The following GDF6 variants were observed in gnomAD, a reference collection of about 807,000 sequenced individuals.
GDF6 encodes growth/differentiation factor 6.
Under a neutral mutation model 32.4 loss-of-function variants are expected in GDF6, and 3 were observed. The observed-to-expected ratio is 0.09, with a 90% confidence interval of 0.04 to 0.24. The LOEUF is 0.24. Ranked by LOEUF, GDF6 falls within the 10% of genes least tolerant of loss-of-function variation. The pLI is 1.00. For synonymous variants in GDF6, 296 were observed against 295.3 expected (o/e 1.00, Z -0.03); for missense variants, 589 against 637.9 (o/e 0.92, Z 0.83).
rs1812428426 is a variant in GDF6, at chr8:96,144,292, A to AGAGAG, written c.*270_*271insCTCTC. The AGAGAG allele has an allele frequency of 3.4e-5, 11 of 321,520 alleles. No individual in the cohort carries two copies. The highest frequency in any genetic ancestry group is 2.3e-4 in the African/African-American group (4 of 17,500). The allele number at this position is 321,520 out of a possible 1,614,324, so 19.9% of individuals were successfully genotyped here. A position where few individuals can be genotyped will look rare whatever the true frequency, so the allele number is the denominator to read the frequency against. On this transcript the variant is annotated 3_prime_UTR_variant, in exon 2 of 2. Transcript: ENST00000287020. The surrounding 1 kb of genome is among the most constrained non-coding windows in gnomAD (Gnocchi z 5.1). ...AGAGAGAGAGAGAGAGAGAGAGAGA[A>AGAGAG]AACAGAACAAAAGAAATCCTCCTTG...
At chr8:96,147,634 G>A (rs2130213086) in intron 1 of GDF6, among the ~76,000 whole-genome samples, 1 of 152,306 alleles carries the variant, frequency 6.6e-6, no homozygotes, top group Non-Finnish European at 1.5e-5. Context: ...AGAAATTAAG[G>A]TATTGCCAAA....
rs1370445465 is a variant in GDF6 at position 96,144,289 on chromosome 8, A to AGAGAGC, written c.*273_*274insGCTCTC. On this transcript the variant is annotated 3_prime_UTR_variant, in exon 2 of 2. Coordinates refer to ENST00000287020, the MANE Select transcript of GDF6 (RefSeq NM_001001557.4). This position sits in a 1 kb window ranked among gnomAD's most constrained non-coding sequence, Gnocchi z 5.1. Reference sequence around the variant, plus strand: ...GAGAGAGAGAGAGAGAGAGAGAGAGAGAAAACAGAACAAAAGAAATCCTCC... The same window carrying AGAGAGC: ...GAGAGAGAGAGAGAGAGAGAGAGAGAGAGAGCGAAAACAGAACAAAAGAAATCCTCC... 6.0e-6 allele frequency: 3 copies of AGAGAGC among 495,886 alleles called. No homozygotes were observed. The highest frequency in any genetic ancestry group is 2.4e-5 in the African/African-American group (1 of 42,064). The allele number at this position is 495,886 out of a possible 1,614,324, so 30.7% of individuals were successfully genotyped here. A position where few individuals can be genotyped will look rare whatever the true frequency, so the allele number is the denominator to read the frequency against.
chr8:96,144,297 G>T lies in GDF6; in HGVS notation c.*266C>A. ...GAGAGAGAGAGAGAGAGAGAAAACA[G>T]AACAAAAGAAATCCTCCTTGGCTTG... On this transcript the variant is annotated 3_prime_UTR_variant, in exon 2 of 2. Coordinates refer to ENST00000287020, the MANE Select transcript of GDF6 (RefSeq NM_001001557.4). This position sits in a 1 kb window ranked among gnomAD's most constrained non-coding sequence, Gnocchi z 5.1. 2 of 307,920 alleles carry T rather than the reference G, an allele frequency of 6.5e-6. No individual in the cohort carries two copies. Among genetic ancestry groups the T allele is most frequent in the African/African-American group, 3.6e-5 (1 of 27,872 alleles). 19.1% of individuals were successfully genotyped at this position (307,920 alleles called of 1,614,324 possible). A position where few individuals can be genotyped will look rare whatever the true frequency, so the allele number is the denominator to read the frequency against.
rs1261739476 is a variant in GDF6 at position 96,145,094 on chromosome 8, C to G, written c.837G>C (p.Val279=). 1 of 1,522,320 alleles carries G rather than the reference C, an allele frequency of 6.6e-7. No homozygotes were observed. Among genetic ancestry groups the G allele is most frequent in the Admixed American group, 2.0e-5 (1 of 50,994 alleles). The allele number at this position is 1,522,320 out of a possible 1,614,324, so 94.3% of individuals were successfully genotyped here. A position where few individuals can be genotyped will look rare whatever the true frequency, so the allele number is the denominator to read the frequency against. ...TCTTGCGCTGGGATCTGGTGAATAC[C>G]ACCAGCAGGGCCCGCTCCTGGGGAG... ...VRPPQERALL[V]VFTRSQRKNL... Residue 279 remains valine (V), a synonymous_variant, in exon 2 of 2, where the codon GTG becomes GTC. Transcript: ENST00000287020. The surrounding 1 kb of genome is among the most constrained non-coding windows in gnomAD (Gnocchi z 5.6).
chr8:96,151,390 C>T (rs1171691727), intron 1 of GDF6, among the ~76,000 whole-genome samples: 1 of 152,204 alleles, frequency 6.6e-6, no homozygotes, highest in East Asian at 1.9e-4. Context: ...AGACAGCCAT[C>T]ATTCTAAACT....
intron 1 of GDF6, among the ~76,000 whole-genome samples, chr8:96,146,773 C>G (rs1320762336): frequency 6.6e-6 from 1 of 152,134 alleles, no homozygotes; most frequent in Non-Finnish European, 1.5e-5. Flanking sequence ...CTAAAATTCT[C>G]TCACTTTGCA....
chr8:96,150,538 A>G (rs1399759344), intron 1 of GDF6, among the ~76,000 whole-genome samples: 1 of 152,236 alleles, frequency 6.6e-6, no homozygotes, highest in Non-Finnish European at 1.5e-5. Flanking sequence ...GAATTTTCAC[A>G]GCGAACGTCT....
At chr8:96,158,699 G>A (rs1812711955) in intron 1 of GDF6, among the ~76,000 whole-genome samples, 1 of 152,208 alleles carries the variant, frequency 6.6e-6, no homozygotes, top group South Asian at 2.1e-4. Flanking sequence ...AGGACTTTGA[G>A]GGACAGAAAC....
Position 96,145,074 on chromosome 8 carries a change from C to G in GDF6, c.857G>C (p.Arg286Pro), listed in dbSNP as rs764553577. The change falls in exon 2 of 2, where the codon CGC (arginine) becomes CCC (proline). Residue 286 changes from arginine to proline, a missense_variant. This residue lies in a region of GDF6 where 436 missense variants were observed against 411.2 expected (regional missense o/e 1.06). Transcript: ENST00000287020. The surrounding 1 kb of genome is among the most constrained non-coding windows in gnomAD (Gnocchi z 5.6). ...ALLVVFTRSQRKNLFAEMREQ... is the reference protein window; with the variant it reads ...ALLVVFTRSQPKNLFAEMREQ... ...GCGCATCTCTGCGAACAGGTTCTTGCGCTGGGATCTGGTGAATACCACCAG... is the reference window on the plus strand; with the variant it reads ...GCGCATCTCTGCGAACAGGTTCTTGGGCTGGGATCTGGTGAATACCACCAG... The G allele has an allele frequency of 3.3e-6, 5 of 1,510,244 alleles. No individual in the cohort carries two copies. In the South Asian group the frequency reaches 6.4e-5, roughly 19 times the overall value. The allele number at this position is 1,510,244 out of a possible 1,614,324, so 93.6% of individuals were successfully genotyped here.
chr8:96,145,086 G>A lies in GDF6; in HGVS notation c.845C>T (p.Thr282Ile). 1 of 1,519,884 alleles carries A rather than the reference G, an allele frequency of 6.6e-7. No homozygotes were observed. The highest frequency in any genetic ancestry group is 1.4e-5 in the African/African-American group (1 of 70,000). The allele number at this position is 1,519,884 out of a possible 1,614,324, so 94.1% of individuals were successfully genotyped here. A position where few individuals can be genotyped will look rare whatever the true frequency, so the allele number is the denominator to read the frequency against. The part of the protein sequence containing the change: ...PQERALLVVF[T>I]RSQRKNLFAE... ...GAACAGGTTCTTGCGCTGGGATCTG[G>A]TGAATACCACCAGCAGGGCCCGCTC... The change falls in exon 2 of 2, where the codon ACC (threonine) becomes ATC (isoleucine). Residue 282 changes from threonine to isoleucine, a missense_variant. Thr to Ile is a moderately conservative substitution (Grantham distance 89). This residue lies in a region of GDF6 where 436 missense variants were observed against 411.2 expected (regional missense o/e 1.06). Coordinates refer to ENST00000287020, the MANE Select transcript of GDF6 (RefSeq NM_001001557.4). This position sits in a 1 kb window ranked among gnomAD's most constrained non-coding sequence, Gnocchi z 5.6.
At chr8:96,158,996 C>CG (rs958424604) in intron 1 of GDF6, among the ~76,000 whole-genome samples, 42 of 125,950 alleles carry the variant, frequency 3.3e-4, no homozygotes, top group African/African-American at 1.1e-3. Context: ...GGGCTGGGGG[C>CG]GGGGGGGCCG....
At chr8:96,159,111 C>T (rs1812717730) in intron 1 of GDF6, among the ~76,000 whole-genome samples, 1 of 152,228 alleles carries the variant, frequency 6.6e-6, no homozygotes, top group African/African-American at 2.4e-5. Flanking sequence ...TTCCGGGCAA[C>T]CCCACTTAAC....
At chr8:96,153,226 A>G (rs1338759004) in intron 1 of GDF6, among the ~76,000 whole-genome samples, 2 of 152,260 alleles carry the variant, frequency 1.3e-5, no homozygotes, top group Non-Finnish European at 1.5e-5. Flanking sequence ...AGATTCATTT[A>G]CAAAGCAGTT....
At chr8:96,151,664 G>C (rs1224190026) in intron 1 of GDF6, among the ~76,000 whole-genome samples, 2 of 152,188 alleles carry the variant, frequency 1.3e-5, no homozygotes, top group African/African-American at 4.8e-5. Context: ...AGAGAATTTA[G>C]GAGGAAAATT....
At position 96,145,644 on chromosome 8, in the gene GDF6, C is replaced by G; in HGVS notation, c.407-120G>C. The G allele has an allele frequency of 8.1e-7, 1 of 1,228,042 alleles. No individual in the cohort carries two copies. Among genetic ancestry groups the G allele is most frequent in the Non-Finnish European group, 1.2e-6 (1 of 864,128 alleles). 76.1% of individuals were successfully genotyped at this position (1,228,042 alleles called of 1,614,324 possible). A position where few individuals can be genotyped will look rare whatever the true frequency, so the allele number is the denominator to read the frequency against. ...GGGGCAGGTCGGCCGGGCAGTCCAG[C>G]TTGCCCGGCCCAGGGCCTGACCACC... is the stretch of plus-strand genomic sequence containing the variant. On this transcript the variant is annotated intron_variant, in intron 1 of 1. Transcript: ENST00000287020. This position sits in a 1 kb window ranked among gnomAD's most constrained non-coding sequence, Gnocchi z 5.6.
chr8:96,155,133 C>T (rs1380979150), intron 1 of GDF6, among the ~76,000 whole-genome samples: 1 of 152,118 alleles, frequency 6.6e-6, no homozygotes, highest in Admixed American at 6.5e-5. Flanking sequence ...TTTTAGATCC[C>T]CTCCCCCATC....
chr8:96,157,257 A>G (rs1812680999), intron 1 of GDF6, among the ~76,000 whole-genome samples: 1 of 151,962 alleles, frequency 6.6e-6, no homozygotes, highest in Admixed American at 6.6e-5. Flanking sequence ...CCTGGAGGAT[A>G]GGGAGAAGTG....
chr8:96,146,719 GAGAGAGAT>G (rs200862002), intron 1 of GDF6, among the ~76,000 whole-genome samples: 5,088 of 151,496 alleles, frequency 0.034, 94 homozygotes, highest in African/African-American at 0.051. Flanking sequence ...GAGAGAGAGA[GAGAGAGAT>G]AGAGAGACTT....
chr8:96,144,643 T>G lies in GDF6; in HGVS notation c.1288A>C (p.Ile430Leu). The change falls in exon 2 of 2, where the codon ATT becomes CTT. Residue 430 changes from isoleucine (I) to leucine (L), a missense_variant. Coordinates refer to ENST00000287020, the MANE Select transcript of GDF6 (RefSeq NM_001001557.4). This position sits in a 1 kb window ranked among gnomAD's most constrained non-coding sequence, Gnocchi z 5.1. ...TTATTGCCCGCGTCGATGTATAGAA[T>G]GCTGATGGGAGTCAATTTGGTGGGC... ...CVPTKLTPIS[I>L]LYIDAGNNVV... The G allele has an allele frequency of 6.2e-7, 1 of 1,614,118 alleles. No individual in the cohort carries two copies. Among genetic ancestry groups the G allele is most frequent in the South Asian group, 1.1e-5 (1 of 91,078 alleles).
Sources: gnomAD v4.1 joint callset for allele counts (sites outside exome capture counted in the v4.1 genomes callset) on GRCh38, gnomAD v4.1.1 for gene constraint, gnomAD v4.1.1 regional missense constraint, Gnocchi (gnomAD v3.1) non-coding constraint, MANE v1.5 for transcripts, NCBI Gene and HGNC (gene_info 2026-07-23, HGNC 2026-07-21) for gene names.